Variants in ARHGAP25 observed in about 807,000 individuals in gnomAD.
ARHGAP25 encodes Rho GTPase activating protein 25, also known as rho GTPase-activating protein 25.
A neutral mutation model predicts 71.0 loss-of-function variants in ARHGAP25; 34 were observed. That is an observed-to-expected ratio of 0.48 (90% CI 0.36 to 0.64). The LOEUF is 0.64. Among genes scored for constraint, ARHGAP25 ranks in the 30% least tolerant of loss-of-function variants. ARHGAP25 has a pLI of 0.00. For missense variants in ARHGAP25, 706 were observed against 805.1 expected (o/e 0.88, Z 1.49); for synonymous variants, 282 against 296.5 (o/e 0.95, Z 0.50).
chr2:68,822,648 C>A lies in ARHGAP25; in HGVS notation c.1509C>A (p.Tyr503Ter). The A allele has an allele frequency of 6.2e-7, 1 of 1,614,122 alleles. No homozygotes were observed. The highest frequency in any genetic ancestry group is 8.5e-7 in the Non-Finnish European group (1 of 1,180,022). Residue 503 changes from tyrosine (Y) to a stop codon, truncating the protein, a stop_gained, in exon 10 of 11, where the codon TAC (tyrosine) becomes TAA (stop). Coordinates refer to ENST00000409202, the MANE Select transcript of ARHGAP25 (RefSeq NM_001007231.3). LOFTEE classifies it high-confidence loss of function. Reference protein sequence around the residue: ...QLSDSQRTSTYDNVPSLPGSP... With the variant: ...QLSDSQRTST ...CTGACTCCCAACGGACTTCCACCTA[C>A]GATAACGTCCCTTCCCTGCCAGGGT...
intron 4 of ARHGAP25, among the ~76,000 whole-genome samples, chr2:68,790,131 G>A (rs1679061731): frequency 6.6e-6 from 1 of 152,144 alleles, no homozygotes; most frequent in Non-Finnish European, 1.5e-5. Flanking sequence ...TGGGATTACA[G>A]GCATGTGCCA....
At chr2:68,796,737 T>A (rs139597160) in intron 4 of ARHGAP25, among the ~76,000 whole-genome samples, 95 of 152,306 alleles carry the variant, frequency 6.2e-4, no homozygotes, top group African/African-American at 2.1e-3. Context: ...CAGCATATGC[T>A]GGCACCTGTA....
chr2:68,730,470 C>G (rs544223093), upstream of ARHGAP25, among the ~76,000 whole-genome samples: 10 of 152,044 alleles, frequency 6.6e-5, no homozygotes, highest in East Asian at 1.9e-3. Context: ...ATAGTGAGAC[C>G]CCCATCTCTA....
At chr2:68,743,576 C>A (rs1244612610) in intron 1 of ARHGAP25, among the ~76,000 whole-genome samples, 4 of 152,156 alleles carry the variant, frequency 2.6e-5, no homozygotes, top group African/African-American at 9.7e-5. Context: ...CATTCAGAAG[C>A]CAGAAATCCA....
intron 2 of ARHGAP25, among the ~76,000 whole-genome samples, chr2:68,718,725 T>G (rs1427012122): frequency 1.8e-5 from 2 of 110,596 alleles, no homozygotes; most frequent in Non-Finnish European, 3.9e-5. Flanking sequence ...GTTCTAACAT[T>G]TGGTCTTTGA....
rs1358332607 is a variant in ARHGAP25, at chr2:68,774,846, A to T, written c.62-375A>T. 4 of 1,213,506 alleles carry T rather than the reference A, an allele frequency of 3.3e-6. No individual in the cohort carries two copies. The Admixed American group carries it at 1.6e-4, about 50-fold the overall frequency. The allele number at this position is 1,213,506 out of a possible 1,614,324, so 75.2% of individuals were successfully genotyped here. A position where few individuals can be genotyped will look rare whatever the true frequency, so the allele number is the denominator to read the frequency against. On this transcript the variant is annotated intron_variant, in intron 1 of 10. Transcript: ENST00000409202. ...ATTATTTTCTCCTCTCTCTTGTCAG[A>T]TACTGACTCCCACGCAGGAAAAAGG... is the stretch of plus-strand genomic sequence containing the variant.
intron 2 of ARHGAP25, among the ~76,000 whole-genome samples, chr2:68,778,476 TA>T (rs1678081798): frequency 6.6e-6 from 1 of 152,228 alleles, no homozygotes; most frequent in Admixed American, 6.5e-5. Flanking sequence ...AATGTCTCTT[TA>T]AAAATATTTT....
At chr2:68,753,057 A>C (rs4322877) in intron 1 of ARHGAP25, among the ~76,000 whole-genome samples, 127,450 of 151,888 alleles carry the variant, frequency 0.84, 53,662 homozygotes, top group African/African-American at 0.87. Context: ...TAGACATAGC[A>C]AAATGTCCAC....
intron 2 of ARHGAP25, among the ~76,000 whole-genome samples, chr2:68,722,695 T>TGAA (rs1674791995): frequency 6.6e-6 from 1 of 152,094 alleles, no homozygotes; most frequent in South Asian, 2.1e-4. Flanking sequence ...GGCAGTGAGC[T>TGAA]GAAGAGGTAG....
In ARHGAP25 at chr2:68,819,276, C is replaced by G. The variant is rs1033344671; in HGVS notation, c.1157C>G (p.Thr386Ser). 1.2e-5 allele frequency: 20 copies of G among 1,614,080 alleles called. No homozygotes were observed. The highest frequency in any genetic ancestry group is 1.7e-5 in the Non-Finnish European group (20 of 1,180,048). ...VARSSVGWDA[T>S]EDLRISRTDS... ...CGAAGCTCTGTAGGCTGGGATGCCACTGAAGACCTCCGAATTTCTAGGACA... is the reference window on the plus strand; with the variant it reads ...CGAAGCTCTGTAGGCTGGGATGCCAGTGAAGACCTCCGAATTTCTAGGACA... The change falls in exon 9 of 11, where the codon ACT becomes AGT. Residue 386 changes from threonine (T) to serine (S), a missense_variant. Thr to Ser is a moderately conservative substitution (Grantham distance 58, BLOSUM62 1). Coordinates refer to ENST00000409202, the MANE Select transcript of ARHGAP25 (RefSeq NM_001007231.3).
intron 4 of ARHGAP25, among the ~76,000 whole-genome samples, chr2:68,791,996 A>G (rs1679208037): frequency 6.6e-6 from 1 of 151,992 alleles, no homozygotes; most frequent in African/African-American, 2.4e-5. Flanking sequence ...TTTCCTCTAA[A>G]CTACTCCTTC....
chr2:68,797,136 G>T (rs925337342), intron 4 of ARHGAP25, among the ~76,000 whole-genome samples: 1 of 152,190 alleles, frequency 6.6e-6, no homozygotes, highest in Admixed American at 6.5e-5. Context: ...TCTTGGAGTA[G>T]GGGGCAAAGT....
At chr2:68,811,588 G>A (rs1416215339) in intron 5 of ARHGAP25, among the ~76,000 whole-genome samples, 2 of 152,196 alleles carry the variant, frequency 1.3e-5, no homozygotes, top group South Asian at 2.1e-4. Flanking sequence ...GGAGCATAGA[G>A]TGGGCTCTGT....
intron 1 of ARHGAP25, among the ~76,000 whole-genome samples, chr2:68,749,021 G>A (rs554680463): frequency 3.3e-5 from 5 of 152,184 alleles, no homozygotes; most frequent in African/African-American, 1.2e-4. Context: ...GATTAGAGGC[G>A]AGGATGGGCA....
chr2:68,712,494 C>T (rs962778063), intron 2 of ARHGAP25, among the ~76,000 whole-genome samples: 1 of 152,136 alleles, frequency 6.6e-6, no homozygotes, highest in Non-Finnish European at 1.5e-5. Context: ...TTTTTCTGTA[C>T]AGAAGCTCTT....
At chr2:68,784,868 C>G (rs777481378) in intron 3 of ARHGAP25, among the ~76,000 whole-genome samples, 5 of 152,050 alleles carry the variant, frequency 3.3e-5, no homozygotes, top group African/African-American at 1.2e-4. Context: ...GAAAATTAAA[C>G]CAAAGAGAGA....
In ARHGAP25 at chr2:68,810,367, A is replaced by G. The variant is rs565194034; in HGVS notation, c.674+2887A>G. ...AAAACTTAGAACAGGGGCTTTTCAC[A>G]TGGTCTTGTGTATTTAGGGAGGTCC... On this transcript the variant is annotated intron_variant, in intron 5 of 10. Coordinates refer to ENST00000409202, the MANE Select transcript of ARHGAP25 (RefSeq NM_001007231.3). 2.4e-4 allele frequency among the ~76,000 whole-genome samples: 37 copies of G among 152,332 alleles called. No individual in the cohort carries two copies. The South Asian group carries it at 2.7e-3, about 11-fold the overall frequency.
intron 1 of ARHGAP25, among the ~76,000 whole-genome samples, chr2:68,752,954 G>C (rs867046523): frequency 1.3e-5 from 2 of 151,992 alleles, no homozygotes; most frequent in South Asian, 2.1e-4. Context: ...CTTTATTGTT[G>C]GGGGCCATCC....
intron 2 of ARHGAP25, among the ~76,000 whole-genome samples, chr2:68,779,327 T>G (rs1678151041): frequency 2.0e-5 from 3 of 152,160 alleles, no homozygotes; most frequent in African/African-American, 4.8e-5. Context: ...TATATAGGAT[T>G]TCCACCACAC....
Sources: allele counts gnomAD v4.1 joint callset (sites outside exome capture counted in the v4.1 genomes callset), GRCh38; gene constraint gnomAD v4.1.1; transcripts MANE v1.5; gene names NCBI Gene and HGNC (gene_info 2026-07-23, HGNC 2026-07-21).